Variants in JAKMIP1 observed in about 807,000 individuals in gnomAD.
JAKMIP1 encodes janus kinase and microtubule interacting protein 1, also known as janus kinase and microtubule-interacting protein 1.
JAKMIP1 carries 33 observed loss-of-function variants against 113.0 expected under a neutral mutation model. The observed-to-expected ratio is 0.29, with a 90% CI of 0.22 to 0.39. The LOEUF (loss-of-function observed/expected upper bound fraction) is 0.39. JAKMIP1 is among the 10% of genes least tolerant of loss of function. The probability of loss-of-function intolerance (pLI) is 1.00; values close to 1 mark genes in which losing one functional copy is unlikely to be tolerated. For synonymous variants in JAKMIP1, 480 were observed against 459.9 expected, an observed-to-expected ratio of 1.04 and a Z score of -0.56; for missense variants, 813 against 1,080.5, an observed-to-expected ratio of 0.75 and a Z score of 3.47.
At position 6,134,933 on chromosome 4, in the gene JAKMIP1, G is replaced by C. The variant is rs1309812901; in HGVS notation, c.-147-21936C>G. On this transcript the variant is annotated intron_variant, in intron 1 of 20. Transcript: ENST00000409021. The stretch of plus-strand genomic sequence containing the variant: ...TAGATGCAGATAAACCACGGTGGAT[G>C]CCCAGAGGCAAGAGAAGTGTCTTCT... Among the ~76,000 whole-genome samples, 4 of 152,034 alleles carry C rather than the reference G, an allele frequency of 2.6e-5. 1 individual carries two copies. The South Asian group carries it at 8.3e-4, about 32-fold the overall frequency.
chr4:6,155,844 G>A lies in JAKMIP1; in HGVS notation c.-147-42847C>T, dbSNP rs1411513722. Among the ~76,000 whole-genome samples, 1 of 152,116 alleles carries A rather than the reference G, an allele frequency of 6.6e-6. No homozygotes were observed. The highest frequency in any genetic ancestry group is 2.4e-5 in the African/African-American group (1 of 41,410). On this transcript the variant is annotated intron_variant, in intron 1 of 20. Coordinates refer to ENST00000409021, the MANE Select transcript of JAKMIP1 (RefSeq NM_001099433.2). The surrounding 1 kb of genome is among the most constrained non-coding windows in gnomAD (Gnocchi z 6.1). The stretch of plus-strand genomic sequence containing the variant: ...CTAACATGCAGCCTTCCTGGGTCCT[G>A]CCCTAGACCTCATGAATGGCACTCT...
intron 3 of JAKMIP1, among the ~76,000 whole-genome samples, chr4:6,091,587 G>C (rs772507057): frequency 2.0e-5 from 3 of 152,142 alleles, no homozygotes; most frequent in African/African-American, 4.8e-5. Context: ...AACAAATGGG[G>C]AGCCCAGAAT....
intron 1 of JAKMIP1, among the ~76,000 whole-genome samples, chr4:6,170,680 TCC>T (rs1724470024): frequency 7.0e-6 from 1 of 143,308 alleles, no homozygotes; most frequent in Non-Finnish European, 1.5e-5. Context: ...CCTTCTCACC[TCC>T]ACTGTCACCC....
rs774299632 is a variant in JAKMIP1 at position 6,181,536 on chromosome 4, C to A, written c.-148+18717G>T. Among the ~76,000 whole-genome samples the A allele has an allele frequency of 1.5e-4, 23 of 152,138 alleles. No individual in the cohort carries two copies. Among genetic ancestry groups the A allele is most frequent in the Admixed American group, 6.5e-5 (1 of 15,280 alleles). The stretch of plus-strand genomic sequence containing the variant: ...CAAGCAAAGGAGACACTGTAACAAG[C>A]CCAGGTGATAACTGGGAGACCAGGG... On this transcript the variant is annotated intron_variant, in intron 1 of 20. Transcript: ENST00000409021. This position sits in a 1 kb window ranked among gnomAD's most constrained non-coding sequence, Gnocchi z 5.4.
Position 6,112,786 on chromosome 4 carries a change from G to A in JAKMIP1, c.65C>T (p.Ala22Val). The A allele has an allele frequency of 6.2e-7, 1 of 1,614,066 alleles. No individual in the cohort carries two copies. ...CAGCTTGGCCCGCAGCTCCTCGTTG[G>A]CCATCTGCACCGCGTCCGTCTCCAT... ...PEMETDAVQM[A>V]NEELRAKLTS... The change falls in exon 2 of 21, where the codon GCC (alanine) becomes GTC (valine). Residue 22 changes from alanine (A) to valine (V), a missense_variant. This residue lies in a region of JAKMIP1 where 540 missense variants were observed against 653.9 expected (regional missense o/e 0.83). Transcript: ENST00000409021.
chr4:6,151,420 G>A (rs1011087616), intron 1 of JAKMIP1, among the ~76,000 whole-genome samples: 1 of 152,122 alleles, frequency 6.6e-6, no homozygotes, highest in Non-Finnish European at 1.5e-5. Flanking sequence ...ATCCCCAAAT[G>A]CTCAGCGCCC....
In JAKMIP1 at chr4:6,187,858, G is replaced by A. The variant is rs1433576929; in HGVS notation, c.-148+12395C>T. Among the ~76,000 whole-genome samples the A allele has an allele frequency of 1.3e-5, 2 of 152,124 alleles. No homozygotes were observed. The highest frequency in any genetic ancestry group is 4.8e-5 in the African/African-American group (2 of 41,428). On this transcript the variant is annotated intron_variant, in intron 1 of 20. Transcript: ENST00000409021. This position sits in a 1 kb window ranked among gnomAD's most constrained non-coding sequence, Gnocchi z 4.2. ...CATCTTTAATAGTATTGATATAGTT[G>A]GACTTATGTCTTCCATTTTATTTTG...
At chr4:6,126,373 A>ACAAACACACACCATGCAGAAACACT (rs1389130485) in intron 1 of JAKMIP1, among the ~76,000 whole-genome samples, 3,154 of 147,614 alleles carry the variant, frequency 0.021, 237 homozygotes, top group African/African-American at 0.077. Context: ...ACACACATGC[A>ACAAACACACACCATGCAGAAACACT]CAAACACACA....
chr4:6,063,142 CA>C (rs780452045), intron 9 of JAKMIP1, among the ~76,000 whole-genome samples: 237 of 135,826 alleles, frequency 1.7e-3, no homozygotes, highest in Admixed American at 1.7e-3. Context: ...ACTCCGTCTC[CA>C]AAAAAAAAAA....
intron 1 of JAKMIP1, among the ~76,000 whole-genome samples, chr4:6,148,688 C>A (rs899944606): frequency 2.0e-5 from 3 of 152,222 alleles, no homozygotes; most frequent in Non-Finnish European, 4.4e-5. Context: ...GGCAGCCCTG[C>A]GTTCTTGTTT....
At position 6,116,629 on chromosome 4, in the gene JAKMIP1, A is replaced by G. The variant is rs1399371626; in HGVS notation, c.-147-3632T>C. Among the ~76,000 whole-genome samples, 1 of 152,138 alleles carries G rather than the reference A, an allele frequency of 6.6e-6. No individual in the cohort carries two copies. The highest frequency in any genetic ancestry group is 1.5e-5 in the Non-Finnish European group (1 of 68,032). ...CTGCAGCCCACCCATCTCTGACATCACATGTCCCCTGTCCCAGCCTCCAAG... is the reference window on the plus strand; with the variant it reads ...CTGCAGCCCACCCATCTCTGACATCGCATGTCCCCTGTCCCAGCCTCCAAG... On this transcript the variant is annotated intron_variant, in intron 1 of 20. Transcript: ENST00000409021. The surrounding 1 kb of genome is among the most constrained non-coding windows in gnomAD (Gnocchi z 5.1).
At position 6,049,934 on chromosome 4, in the gene JAKMIP1, T is replaced by G; in HGVS notation, c.1909-62A>C. ...TACAGAGACCAACCATACCAATTTC[T>G]AGGGCCACGGCCTTTCCTCTGGACA... On this transcript the variant is annotated intron_variant, in intron 14 of 20. Transcript: ENST00000409021. The surrounding 1 kb of genome is among the most constrained non-coding windows in gnomAD (Gnocchi z 7.0). 21 of 1,191,610 alleles carry G rather than the reference T, an allele frequency of 1.8e-5. No homozygotes were observed. Among genetic ancestry groups the G allele is most frequent in the Non-Finnish European group, 2.5e-5 (20 of 802,406 alleles). The allele number at this position is 1,191,610 out of a possible 1,614,324, so 73.8% of individuals were successfully genotyped here. A position where few individuals can be genotyped will look rare whatever the true frequency, so the allele number is the denominator to read the frequency against.
At position 6,181,686 on chromosome 4, in the gene JAKMIP1, C is replaced by G. The variant is rs1726037974; in HGVS notation, c.-148+18567G>C. 6.6e-6 allele frequency among the ~76,000 whole-genome samples: 1 copy of G among 152,188 alleles called. No individual in the cohort carries two copies. Among genetic ancestry groups the G allele is most frequent in the Non-Finnish European group, 1.5e-5 (1 of 68,024 alleles). On this transcript the variant is annotated intron_variant, in intron 1 of 20. Transcript: ENST00000409021. The surrounding 1 kb of genome is among the most constrained non-coding windows in gnomAD (Gnocchi z 5.4). ...GTCAATTGGCATCAGAGAGGGAGAG[C>G]AGCAGCAACGCAAGCTCCATTCATT...
chr4:6,187,783 T>C lies in JAKMIP1; in HGVS notation c.-148+12470A>G, dbSNP rs770255080. 6.6e-6 allele frequency among the ~76,000 whole-genome samples: 1 copy of C among 152,260 alleles called. No individual in the cohort carries two copies. Among genetic ancestry groups the C allele is most frequent in the Non-Finnish European group, 1.5e-5 (1 of 68,042 alleles). On this transcript the variant is annotated intron_variant, in intron 1 of 20. Transcript: ENST00000409021. This position sits in a 1 kb window ranked among gnomAD's most constrained non-coding sequence, Gnocchi z 4.2. ...CAAGATAGCATATACTTGGATCATA[T>C]ATTTTATCCCTGACAACATCTACCT...
chr4:6,141,326 C>T lies in JAKMIP1; in HGVS notation c.-147-28329G>A, dbSNP rs1720121353. 1.3e-5 allele frequency among the ~76,000 whole-genome samples: 2 copies of T among 151,900 alleles called. No homozygotes were observed. Among genetic ancestry groups the T allele is most frequent in the Non-Finnish European group, 2.9e-5 (2 of 68,028 alleles). ...TGGCGCGCATCTGTAATCCCAGCTA[C>T]TTGACAGGCTGAGGCAGGAGAATTG... is the stretch of plus-strand genomic sequence containing the variant. On this transcript the variant is annotated intron_variant, in intron 1 of 20. Transcript: ENST00000409021. This position sits in a 1 kb window ranked among gnomAD's most constrained non-coding sequence, Gnocchi z 9.4.
rs2108996643 is a variant in JAKMIP1 at position 6,158,046 on chromosome 4, G to A, written c.-148+42207C>T. ...TCCAGGGCTATGTGCTATGAGGTAG[G>A]GCTCAAGCTGTCGGCCAGCGCCGTC... On this transcript the variant is annotated intron_variant, in intron 1 of 20. Transcript: ENST00000409021. The surrounding 1 kb of genome is among the most constrained non-coding windows in gnomAD (Gnocchi z 5.3). 6.6e-6 allele frequency among the ~76,000 whole-genome samples: 1 copy of A among 152,288 alleles called. No homozygotes were observed. Among genetic ancestry groups the A allele is most frequent in the South Asian group, 2.1e-4 (1 of 4,832 alleles).
intron 1 of JAKMIP1, among the ~76,000 whole-genome samples, chr4:6,182,516 G>C (rs915315394): frequency 3.3e-5 from 5 of 152,160 alleles, no homozygotes; most frequent in African/African-American, 1.2e-4. Flanking sequence ...CGAGGGCACA[G>C]TAAGAAGGCA....
At chr4:6,045,959 G>A (rs1714934958) in intron 16 of JAKMIP1, among the ~76,000 whole-genome samples, 1 of 152,198 alleles carries the variant, frequency 6.6e-6, no homozygotes, top group Non-Finnish European at 1.5e-5. Flanking sequence ...TTAAAATAAA[G>A]AGTATTTAGT....
chr4:6,048,209 C>A (rs1332766236), intron 16 of JAKMIP1, among the ~76,000 whole-genome samples: 2 of 152,194 alleles, frequency 1.3e-5, no homozygotes, highest in Non-Finnish European at 2.9e-5. Flanking sequence ...CATAAATCAA[C>A]AACGTGTAAG....
Sources: allele counts gnomAD v4.1 joint callset (sites outside exome capture counted in the v4.1 genomes callset), GRCh38; gene constraint gnomAD v4.1.1; regional missense constraint gnomAD v4.1.1; non-coding constraint Gnocchi (gnomAD v3.1); transcripts MANE v1.5; gene names NCBI Gene and HGNC (gene_info 2026-07-23, HGNC 2026-07-21).